Variants in CORO2B observed in about 807,000 individuals in gnomAD.
CORO2B encodes the protein coronin 2B.
Under a neutral mutation model 58.8 loss-of-function variants are expected in CORO2B, and 26 were observed. That is an observed-to-expected ratio of 0.44 (90% CI 0.32 to 0.61). The LOEUF is 0.61. CORO2B is among the 20% of genes least tolerant of loss of function. CORO2B has a pLI of 0.04. For synonymous variants in CORO2B, 242 were observed against 253.8 expected (o/e 0.95, Z 0.44); for missense variants, 460 against 645.1 (o/e 0.71, Z 3.11).
At chr15:68,660,537 A>AT (rs980986185) in intron 2 of CORO2B, among the ~76,000 whole-genome samples, 51 of 152,108 alleles carry the variant, frequency 3.4e-4, no homozygotes, top group African/African-American at 1.2e-3. Context: ...CACCTGGCTA[A>AT]TTTTTTTATT....
the CORO2B span, among the ~76,000 whole-genome samples, chr15:68,561,364 G>T: frequency 2.0e-5 from 3 of 152,066 alleles, no homozygotes; most frequent in African/African-American, 7.2e-5. Flanking sequence ...GGTCCAGATG[G>T]TCACCCATCC....
chr15:68,590,491 CTG>C (rs1312246594), intron 1 of CORO2B, among the ~76,000 whole-genome samples: 6 of 152,020 alleles, frequency 3.9e-5, no homozygotes, highest in Non-Finnish European at 8.8e-5. Context: ...AAGGGGCAAA[CTG>C]GGCCATAACC....
intron 2 of CORO2B, among the ~76,000 whole-genome samples, chr15:68,659,715 C>A (rs1263881333): frequency 6.6e-6 from 1 of 151,978 alleles, no homozygotes; most frequent in African/African-American, 2.4e-5. Context: ...GGACAGATCA[C>A]CTGAGGTCAA....
intron 2 of CORO2B, among the ~76,000 whole-genome samples, chr15:68,651,963 C>A (rs1377426537): frequency 6.6e-6 from 1 of 152,202 alleles, no homozygotes; most frequent in Non-Finnish European, 1.5e-5. Context: ...GATGCTTTGC[C>A]TTTGTACAGC....
At chr15:68,560,454 C>A in the CORO2B span, among the ~76,000 whole-genome samples, 1 of 151,912 alleles carries the variant, frequency 6.6e-6, no homozygotes, top group African/African-American at 2.4e-5. Flanking sequence ...GCCACCATGC[C>A]CAGCTAATTA....
intron 1 of CORO2B, chr15:68,641,427 C>G (rs920340229): frequency 1.6e-6 from 1 of 635,410 alleles, no homozygotes; most frequent in Non-Finnish European, 2.0e-6. Flanking sequence ...GACTGGGGAG[C>G]TGGGGATTTG....
chr15:68,604,481 A>G (rs888373816), intron 1 of CORO2B, among the ~76,000 whole-genome samples: 28 of 152,100 alleles, frequency 1.8e-4, no homozygotes, highest in African/African-American at 5.8e-4. Flanking sequence ...GCAGAATTTC[A>G]TACCAGGAAA....
the CORO2B span, among the ~76,000 whole-genome samples, chr15:68,534,499 A>C: frequency 6.6e-6 from 1 of 152,350 alleles, no homozygotes; most frequent in African/African-American, 2.4e-5. Flanking sequence ...TAATGAACTC[A>C]ACTTTCACTT....
At chr15:68,573,314 G>A in the CORO2B span, among the ~76,000 whole-genome samples, 3 of 152,220 alleles carry the variant, frequency 2.0e-5, no homozygotes, top group East Asian at 1.9e-4. Flanking sequence ...AGAGAGAGAC[G>A]TCCACAGAGA....
chr15:68,701,385 C>T (rs1892641342), intron 3 of CORO2B, among the ~76,000 whole-genome samples: 3 of 151,520 alleles, frequency 2.0e-5, no homozygotes, highest in Admixed American at 2.0e-4. Context: ...GATCTCCGCT[C>T]ACTGCAAGCT....
chr15:68,550,115 G>A, the CORO2B span, among the ~76,000 whole-genome samples: 1 of 152,128 alleles, frequency 6.6e-6, no homozygotes, highest in South Asian at 2.1e-4. Flanking sequence ...ATCAGCTGAG[G>A]GGTGGATGGA....
At position 68,636,931 on chromosome 15, in the gene CORO2B, TG is replaced by T. The variant is rs1287193100; in HGVS notation, c.16-8228del. ...TAGCCACATGTGCCTATTGAGCACT[TG>T]ATATGTGGTTAGTCTAACTGAGGAG... On this transcript the variant is annotated intron_variant, in intron 1 of 11. Transcript: ENST00000261861. 3.3e-5 allele frequency among the ~76,000 whole-genome samples: 5 copies of T among 152,316 alleles called. No individual in the cohort carries two copies. In the East Asian group the frequency reaches 9.6e-4, roughly 29 times the overall value.
intron 1 of CORO2B, among the ~76,000 whole-genome samples, chr15:68,594,875 A>G (rs1899788471): frequency 6.6e-6 from 1 of 152,140 alleles, no homozygotes; most frequent in Non-Finnish European, 1.5e-5. Flanking sequence ...AACAATTGAA[A>G]TCTCAGCCTT....
chr15:68,567,702 C>A, the CORO2B span, among the ~76,000 whole-genome samples: 1 of 152,240 alleles, frequency 6.6e-6, no homozygotes, highest in Non-Finnish European at 1.5e-5. Flanking sequence ...GCATGCCCTT[C>A]ACTCCTTCAA....
chr15:68,617,521 G>T (rs966925213), intron 1 of CORO2B, among the ~76,000 whole-genome samples: 1 of 152,166 alleles, frequency 6.6e-6, no homozygotes, highest in African/African-American at 2.4e-5. Flanking sequence ...GGTAGTGTGC[G>T]TGTGTGTATG....
intron 3 of CORO2B, among the ~76,000 whole-genome samples, chr15:68,704,079 CAA>C (rs1892726887): frequency 7.9e-6 from 1 of 125,932 alleles, no homozygotes; most frequent in Admixed American, 8.1e-5. Context: ...CACACACACA[CAA>C]ATACAAATAT....
intron 1 of CORO2B, among the ~76,000 whole-genome samples, chr15:68,619,406 A>AT (rs1041190679): frequency 1.4e-4 from 21 of 152,284 alleles, no homozygotes; most frequent in African/African-American, 4.6e-4. Flanking sequence ...ATTGGAGAGC[A>AT]TTTTTTGTGT....
At chr15:68,668,594 G>A (rs1306023380) in intron 2 of CORO2B, among the ~76,000 whole-genome samples, 2 of 151,990 alleles carry the variant, frequency 1.3e-5, no homozygotes, top group Non-Finnish European at 2.9e-5. Context: ...AGCATGTGCT[G>A]AGGCCCAGGG....
intron 1 of CORO2B, among the ~76,000 whole-genome samples, chr15:68,606,297 C>T (rs1318343419): frequency 1.3e-5 from 2 of 152,112 alleles, no homozygotes; most frequent in Non-Finnish European, 2.9e-5. Context: ...GGTGGTGGGG[C>T]TTAGCCAAGC....
Sources: gnomAD v4.1 joint callset for allele counts (sites outside exome capture counted in the v4.1 genomes callset) on GRCh38, gnomAD v4.1.1 for gene constraint, MANE v1.5 for transcripts, NCBI Gene and HGNC (gene_info 2026-07-23, HGNC 2026-07-21) for gene names.